SLC44A1: variants seen among roughly 807,000 people sequenced by gnomAD.
SLC44A1 encodes solute carrier family 44 member 1, also known as choline transporter-like protein 1.
In SLC44A1, 26 loss-of-function variants were observed where a neutral mutation model predicts 79.3. The observed-to-expected ratio is 0.33, with a 90% CI of 0.24 to 0.46. The LOEUF is 0.46. Ranked by LOEUF, SLC44A1 falls within the 20% of genes least tolerant of loss-of-function variation. The probability of loss-of-function intolerance (pLI) is 1.00; values close to 1 mark genes in which losing one functional copy is unlikely to be tolerated. For synonymous variants in SLC44A1, 263 were observed against 286.2 expected, an observed-to-expected ratio of 0.92 and a Z score of 0.82; for missense variants, 688 against 798.1, an observed-to-expected ratio of 0.86 and a Z score of 1.66.
intron 3 of SLC44A1, among the ~76,000 whole-genome samples, chr9:105,334,352 AG>A (rs1826845494): frequency 6.6e-6 from 1 of 150,542 alleles, no homozygotes; most frequent in Non-Finnish European, 1.5e-5. Flanking sequence ...CCTCTGTAGT[AG>A]CCCCCTTTTT....
chr9:105,430,180 A>G (rs1288140708), intron 15 of SLC44A1, among the ~76,000 whole-genome samples: 1 of 152,220 alleles, frequency 6.6e-6, no homozygotes, highest in Non-Finnish European at 1.5e-5. Context: ...GGCATGAGCC[A>G]CCACGCCTGG....
At chr9:105,399,652 A>T (rs911656669), downstream of SLC44A1, among the ~76,000 whole-genome samples, 7 of 152,230 alleles carry the variant, frequency 4.6e-5, no homozygotes, top group African/African-American at 1.7e-4. Flanking sequence ...GTTAAATTTT[A>T]AAAAGCATAA....
intron 15 of SLC44A1, chr9:105,386,265 A>C: frequency 1.0e-6 from 1 of 968,932 alleles, no homozygotes; most frequent in Non-Finnish European, 1.2e-6. Flanking sequence ...TCACTATAGC[A>C]TAGAAACAGA....
chr9:105,337,625 AG>A (rs1371480446), intron 4 of SLC44A1, among the ~76,000 whole-genome samples: 3 of 152,210 alleles, frequency 2.0e-5, no homozygotes, highest in Non-Finnish European at 2.9e-5. Context: ...AAAAAATAAA[AG>A]TCTGTATGTC....
intron 2 of SLC44A1, among the ~76,000 whole-genome samples, chr9:105,300,242 A>G (rs1830842812): frequency 6.6e-6 from 1 of 152,170 alleles, no homozygotes; most frequent in African/African-American, 2.4e-5. Context: ...TTCCAGATCA[A>G]TGCTGTTTTC....
intron 14 of SLC44A1, among the ~76,000 whole-genome samples, chr9:105,384,145 C>T (rs1320830511): frequency 6.6e-6 from 1 of 151,856 alleles, no homozygotes; most frequent in African/African-American, 2.4e-5. Flanking sequence ...ATATTTTATC[C>T]AGTTAAATCT....
Position 105,391,329 on chromosome 9 carries a change from A to AT in SLC44A1, c.*2278dup. The AT allele has an allele frequency of 1.0e-6, 1 of 985,542 alleles. No individual in the cohort carries two copies. Among genetic ancestry groups the AT allele is most frequent in the Non-Finnish European group, 1.2e-6 (1 of 829,666 alleles). The allele number at this position is 985,542 out of a possible 1,614,324, so 61.0% of individuals were successfully genotyped here. On this transcript the variant is annotated 3_prime_UTR_variant, in exon 16 of 16. Transcript: ENST00000374720. ...AACTGTAATCAGAAAGAAATTTTGT[A>AT]TTTTTGTATAACTTGATTGTGTGCC...
At chr9:105,419,914 CAAAAAAA>C (rs59244219) in intron 15 of SLC44A1, among the ~76,000 whole-genome samples, 1 of 53,430 alleles carries the variant, frequency 1.9e-5, no homozygotes, top group African/African-American at 6.3e-5. Flanking sequence ...AACTCTGTCT[CAAAAAAA>C]AAAAAAAAAA....
rs540898757 is a variant in SLC44A1, at chr9:105,391,957, A to G, written c.*2901A>G. On this transcript the variant is annotated 3_prime_UTR_variant, in exon 16 of 16. Coordinates refer to ENST00000374720, the MANE Select transcript of SLC44A1 (RefSeq NM_080546.5). The stretch of plus-strand genomic sequence containing the variant: ...CCAGAGTATCGTGGTTTTTGCCATC[A>G]GATAATTAAGGCTCTGGTGCATAAT... 1.1e-4 allele frequency: 113 copies of G among 985,366 alleles called. 2 individuals carry two copies. The South Asian group carries it at 4.2e-3, about 37-fold the overall frequency. 61.0% of individuals were successfully genotyped at this position (985,366 alleles called of 1,614,324 possible).
Position 105,395,271 on chromosome 9 carries a change from T to G in SLC44A1, c.*6215T>G, listed in dbSNP as rs1828853531. The G allele has an allele frequency of 1.2e-6, 1 of 809,960 alleles. No individual in the cohort carries two copies. Among genetic ancestry groups the G allele is most frequent in the South Asian group, 5.6e-5 (1 of 17,730 alleles). 50.2% of individuals were successfully genotyped at this position (809,960 alleles called of 1,614,324 possible). On this transcript the variant is annotated 3_prime_UTR_variant, in exon 16 of 16. Transcript: ENST00000374720. The stretch of plus-strand genomic sequence containing the variant: ...GTCTCGCTCTATCGCCAGCTTAGAG[T>G]GCAGTGGCTCAATCTTAGCTCACTG...
At chr9:105,295,994 A>G (rs1830712794) in intron 1 of SLC44A1, among the ~76,000 whole-genome samples, 1 of 152,244 alleles carries the variant, frequency 6.6e-6, no homozygotes, top group Non-Finnish European at 1.5e-5. Context: ...CCATTAAGTC[A>G]AAATTTTAGT....
chr9:105,435,977 C>T (rs1010875495), intron 15 of SLC44A1, among the ~76,000 whole-genome samples: 1 of 152,234 alleles, frequency 6.6e-6, no homozygotes, highest in Non-Finnish European at 1.5e-5. Context: ...GCCTGCGGAC[C>T]ACCTGAGGTC....
At chr9:105,261,881 G>A (rs1349501910) in intron 1 of SLC44A1, among the ~76,000 whole-genome samples, 2 of 149,448 alleles carry the variant, frequency 1.3e-5, no homozygotes, top group Non-Finnish European at 3.0e-5. Context: ...CCAGGTTCAA[G>A]TGATTCTCCT....
Position 105,428,092 on chromosome 9 carries a change from CT to C in SLC44A1, c.1951-10185del, listed in dbSNP as rs1189966426. Among the ~76,000 whole-genome samples, 4 of 152,052 alleles carry C rather than the reference CT, an allele frequency of 2.6e-5. No individual in the cohort carries two copies. In the East Asian group the frequency reaches 7.7e-4, roughly 29 times the overall value. On this transcript the variant is annotated intron_variant, in intron 15 of 15. Transcript: ENST00000374724. The stretch of plus-strand genomic sequence containing the variant: ...ATCTTTTTCCTTCTTTGTAGTTTGT[CT>C]TTTAATTTTGCTGGTGATAATTTTA...
intron 5 of SLC44A1, among the ~76,000 whole-genome samples, chr9:105,353,272 A>G (rs982494039): frequency 6.6e-6 from 1 of 152,180 alleles, no homozygotes; most frequent in Non-Finnish European, 1.5e-5. Flanking sequence ...ACTCTTTCCA[A>G]TTGGCCAACT....
At chr9:105,363,522 T>C (rs1399104605) in intron 9 of SLC44A1, among the ~76,000 whole-genome samples, 1 of 150,968 alleles carries the variant, frequency 6.6e-6, no homozygotes, top group Non-Finnish European at 1.5e-5. Flanking sequence ...TGGAGTGCAG[T>C]GGTGTGATCT....
downstream of SLC44A1, among the ~76,000 whole-genome samples, chr9:105,401,859 G>A (rs1481042570): frequency 2.0e-5 from 3 of 152,178 alleles, no homozygotes; most frequent in African/African-American, 7.2e-5. Context: ...CTGATCTTAA[G>A]TAGCTCACAG....
intron 3 of SLC44A1, among the ~76,000 whole-genome samples, chr9:105,332,955 A>G (rs1359614767): frequency 6.6e-6 from 1 of 152,216 alleles, no homozygotes; most frequent in Non-Finnish European, 1.5e-5. Flanking sequence ...CAGATAAGGA[A>G]ACTGAGGCTC....
intron 3 of SLC44A1, among the ~76,000 whole-genome samples, chr9:105,326,397 C>T (rs949300479): frequency 6.6e-6 from 1 of 152,110 alleles, no homozygotes; most frequent in Non-Finnish European, 1.5e-5. Context: ...ACTTTCTTGC[C>T]TCAGTTTATT....
Sources: gnomAD v4.1 joint callset for allele counts (sites outside exome capture counted in the v4.1 genomes callset) on GRCh38, gnomAD v4.1.1 for gene constraint, MANE v1.5 for transcripts, NCBI Gene and HGNC (gene_info 2026-07-23, HGNC 2026-07-21) for gene names.